Variants in SLIT2 observed in about 807,000 individuals in gnomAD.
SLIT2 encodes the protein slit homolog 2 protein.
In SLIT2, 41 loss-of-function variants were observed where a neutral mutation model predicts 185.7. The observed-to-expected ratio is 0.22, with a 90% CI of 0.17 to 0.29. SLIT2 has a LOEUF of 0.29. SLIT2 is among the 10% of genes least tolerant of loss of function. SLIT2 has a pLI of 1.00. For missense variants in SLIT2, 1,571 were observed against 1,909.0 expected (o/e 0.82, Z 3.30); for synonymous variants, 693 against 680.2 (o/e 1.02, Z -0.29).
intron 4 of SLIT2, among the ~76,000 whole-genome samples, chr4:20,345,512 T>C (rs1721314878): frequency 6.6e-6 from 1 of 151,456 alleles, no homozygotes. Flanking sequence ...CCTTTTTTCT[T>C]TTTCTTTTTC....
In SLIT2 at chr4:20,376,710, C is replaced by T. The variant is rs533032469; in HGVS notation, c.396-91042C>T. Among the ~76,000 whole-genome samples, 21 of 152,178 alleles carry T rather than the reference C, an allele frequency of 1.4e-4. No individual in the cohort carries two copies. The South Asian group carries it at 2.5e-3, about 18-fold the overall frequency. On this transcript the variant is annotated intron_variant, in intron 4 of 36. Transcript: ENST00000504154. Reference sequence around the variant, plus strand: ...GGGCAGCCATAAAAAAGGATGAGTTCGTGTCCTTTGCAGGGACATGGATGA... The same window carrying T: ...GGGCAGCCATAAAAAAGGATGAGTTTGTGTCCTTTGCAGGGACATGGATGA...
intron 26 of SLIT2, 77 bp from the exon 27 acceptor site, chr4:20,567,185 A>G (rs2148913224): frequency 1.6e-6 from 2 of 1,232,720 alleles, no homozygotes; most frequent in South Asian, 1.4e-5. Flanking sequence ...GAAATTTACC[A>G]TTACATTAAG....
At chr4:20,551,620 C>T (rs73110515) in intron 25 of SLIT2, among the ~76,000 whole-genome samples, 2,357 of 152,222 alleles carry the variant, frequency 0.015, 73 homozygotes, top group African/African-American at 0.054. Context: ...GGATCCAAAG[C>T]CTCCTTGGCT....
In SLIT2 at chr4:20,533,699, G is replaced by A. The variant is rs1357508065; in HGVS notation, c.1816G>A (p.Glu606Lys). 5 of 1,611,786 alleles carry A rather than the reference G, an allele frequency of 3.1e-6. No homozygotes were observed. The South Asian group carries it at 5.5e-5, about 18-fold the overall frequency. Reference sequence around the variant, plus strand: ...GCAGCATAAGATGTTCAAGGGATTGGAAAGCCTCAAAACTTTGTAAGTATT... The same window carrying A: ...GCAGCATAAGATGTTCAAGGGATTGAAAAGCCTCAAAACTTTGTAAGTATT... ...NVQHKMFKGL[E>K]SLKTLMLRSN... Residue 606 changes from glutamate to lysine, a missense_variant, in exon 18 of 37, where the codon GAA becomes AAA. Coordinates refer to ENST00000504154, the MANE Select transcript of SLIT2 (RefSeq NM_004787.4).
At chr4:20,312,246 A>G (rs1159667648) in intron 4 of SLIT2, among the ~76,000 whole-genome samples, 1 of 152,228 alleles carries the variant, frequency 6.6e-6, no homozygotes, top group African/African-American at 2.4e-5. Context: ...AACCAACTCA[A>G]CTAACTTAGG....
intron 32 of SLIT2, among the ~76,000 whole-genome samples, chr4:20,596,978 G>T (rs945617146): frequency 3.3e-5 from 5 of 151,898 alleles, no homozygotes; most frequent in African/African-American, 1.2e-4. Flanking sequence ...GCATGGGGGA[G>T]GCTTTTCTTA....
At chr4:20,323,027 A>G (rs1217954107) in intron 4 of SLIT2, among the ~76,000 whole-genome samples, 2 of 152,222 alleles carry the variant, frequency 1.3e-5, no homozygotes, top group Admixed American at 1.3e-4. Flanking sequence ...CAACCCTGTC[A>G]TAAAAGTGTT....
intron 9 of SLIT2, 114 bp downstream of exon 9, chr4:20,492,013 A>G: frequency 1.1e-6 from 1 of 943,884 alleles, no homozygotes; most frequent in Non-Finnish European, 1.6e-6. Context: ...GGCTTAGACA[A>G]ATGTTCTCTT....
chr4:20,389,398 G>A (rs1022153493), intron 4 of SLIT2, among the ~76,000 whole-genome samples: 14 of 151,938 alleles, frequency 9.2e-5, no homozygotes, highest in Admixed American at 6.6e-4. Flanking sequence ...GGACTGCTAC[G>A]CCAGGAGTTG....
intron 8 of SLIT2, 27 bp from the exon 9 acceptor site, chr4:20,491,734 T>C: frequency 1.3e-6 from 2 of 1,599,300 alleles, no homozygotes; most frequent in Non-Finnish European, 1.7e-6. Flanking sequence ...GGAGGAAAAA[T>C]ATAATTCCTG....
chr4:20,402,010 G>A (rs753815151), intron 4 of SLIT2, among the ~76,000 whole-genome samples: 6 of 151,506 alleles, frequency 4.0e-5, no homozygotes, highest in Non-Finnish European at 7.4e-5. Context: ...CCTTGAATAC[G>A]TATTCCTCCT....
chr4:20,379,293 A>G (rs1016374774), intron 4 of SLIT2, among the ~76,000 whole-genome samples: 1 of 152,196 alleles, frequency 6.6e-6, no homozygotes, highest in Non-Finnish European at 1.5e-5. Flanking sequence ...TGTAATGAAC[A>G]TAAACTGCTC....
chr4:20,256,610 T>A (rs1711874093), intron 1 of SLIT2, 62 bp from the exon 2 acceptor site: 1 of 830,406 alleles, frequency 1.2e-6, no homozygotes, highest in Admixed American at 2.2e-5. Flanking sequence ...ACTCTAAACT[T>A]TACTTGAAGC....
At chr4:20,489,522 G>A (rs773772228) in intron 8 of SLIT2, among the ~76,000 whole-genome samples, 4 of 152,208 alleles carry the variant, frequency 2.6e-5, no homozygotes, top group Non-Finnish European at 4.4e-5. Context: ...TGTGGCCCAC[G>A]CCTGTAATCC....
chr4:20,472,495 T>TATATATAG (rs1715476628), intron 5 of SLIT2, among the ~76,000 whole-genome samples: 2 of 14,110 alleles, frequency 1.4e-4, no homozygotes, highest in Non-Finnish European at 2.1e-4. Flanking sequence ...TATATATAGA[T>TATATATAG]ATATATCTAT....
At position 20,523,741 on chromosome 4, in the gene SLIT2, C is replaced by G; in HGVS notation, c.1131-19C>G. Reference sequence around the variant, plus strand: ...AATAAGATGCTACACTTTAATTCTACAACTATTTAATCAAACAGATTATTG... The same window carrying G: ...AATAAGATGCTACACTTTAATTCTAGAACTATTTAATCAAACAGATTATTG... On this transcript the variant is annotated intron_variant, in intron 12 of 36. Transcript: ENST00000504154. The G allele has an allele frequency of 6.2e-7, 1 of 1,610,588 alleles. No individual in the cohort carries two copies. The highest frequency in any genetic ancestry group is 1.3e-5 in the African/African-American group (1 of 74,972).
chr4:20,593,771 C>A (rs1727703059), intron 30 of SLIT2, among the ~76,000 whole-genome samples: 1 of 151,794 alleles, frequency 6.6e-6, no homozygotes, highest in African/African-American at 2.4e-5. Flanking sequence ...TTCAATTATA[C>A]CTCAGTAAAT....
intron 4 of SLIT2, among the ~76,000 whole-genome samples, chr4:20,301,862 A>G (rs983861397): frequency 6.6e-6 from 1 of 152,176 alleles, no homozygotes; most frequent in Admixed American, 6.5e-5. Context: ...TAACTATGCT[A>G]GACAGTGATC....
intron 4 of SLIT2, among the ~76,000 whole-genome samples, chr4:20,360,287 G>C (rs562632210): frequency 6.2e-4 from 94 of 152,004 alleles, no homozygotes; most frequent in Admixed American, 2.8e-3. Context: ...ATGCTTATAC[G>C]TTAGTGGGAG....
Sources: allele counts gnomAD v4.1 joint callset (sites outside exome capture counted in the v4.1 genomes callset), GRCh38; gene constraint gnomAD v4.1.1; transcripts MANE v1.5; gene names NCBI Gene and HGNC (gene_info 2026-07-23, HGNC 2026-07-21).